Variants in IL1RAPL2 observed in about 807,000 individuals in gnomAD.
IL1RAPL2 encodes X-linked interleukin-1 receptor accessory protein-like 2.
Under a neutral mutation model 44.1 loss-of-function variants are expected in IL1RAPL2, and 3 were observed. The ratio of observed to expected loss-of-function variants is 0.07; its 90% CI spans 0.03 to 0.18. The LOEUF (loss-of-function observed/expected upper bound fraction) is 0.18, where lower values mean the gene tolerates loss of function less well. Ranked by LOEUF, IL1RAPL2 falls within the 10% of genes least tolerant of loss-of-function variation. The probability of loss-of-function intolerance (pLI) is 1.00; values close to 1 mark genes in which losing one functional copy is unlikely to be tolerated. For missense variants in IL1RAPL2, 391 were observed against 496.4 expected (o/e 0.79, Z 2.02); for synonymous variants, 181 against 178.8 (o/e 1.01, Z -0.10).
At chrX:105,688,106 G>A (rs1269821404) in intron 6 of IL1RAPL2, among the ~76,000 whole-genome samples, 4 of 111,606 alleles carry the variant, frequency 3.6e-5, no homozygotes, top group African/African-American at 1.3e-4. Flanking sequence ...CAAACCCATA[G>A]CCAATATCAT....
intron 2 of IL1RAPL2, among the ~76,000 whole-genome samples, chrX:105,189,659 C>T (rs2033618154): frequency 1.8e-5 from 2 of 111,898 alleles, no homozygotes; most frequent in African/African-American, 6.5e-5. Context: ...GAGGTTACGT[C>T]AAGAACATGA....
chrX:104,846,446 G>A (rs1922054532), intron 2 of IL1RAPL2, among the ~76,000 whole-genome samples: 1 of 110,675 alleles, frequency 9.0e-6, no homozygotes, highest in Non-Finnish European at 1.9e-5. Context: ...AACATGGGGT[G>A]TTTGGTTTTT....
chrX:105,009,771 G>T (rs915310554), intron 2 of IL1RAPL2, among the ~76,000 whole-genome samples: 7 of 109,656 alleles, frequency 6.4e-5, no homozygotes, highest in African/African-American at 2.3e-4. Context: ...TTAAAAAAAA[G>T]AAAATAGTGT....
chrX:105,680,032 G>A (rs758814041), intron 6 of IL1RAPL2, among the ~76,000 whole-genome samples: 10 of 110,725 alleles, frequency 9.0e-5, no homozygotes, highest in African/African-American at 2.0e-4. Flanking sequence ...ACAGAGTCTC[G>A]CTCTGTCACC....
intron 6 of IL1RAPL2, among the ~76,000 whole-genome samples, chrX:105,604,872 G>C (rs1158107013): frequency 3.6e-5 from 4 of 110,662 alleles, no homozygotes; most frequent in African/African-American, 1.3e-4. Context: ...ACAGAATGAA[G>C]AACAAAAACC....
At chrX:104,647,652 G>A (rs1930069428) in intron 1 of IL1RAPL2, 3 of 544,667 alleles carry the variant, frequency 5.5e-6, no homozygotes, top group South Asian at 2.3e-5. Context: ...GGCAGCACAC[G>A]CTCATCATAG....
At chrX:105,277,823 G>GA (rs2034498168) in intron 5 of IL1RAPL2, among the ~76,000 whole-genome samples, 2 of 107,926 alleles carry the variant, frequency 1.9e-5, no homozygotes, top group Admixed American at 2.0e-4. Flanking sequence ...GGAACTAGAA[G>GA]AAAAAAAATC....
chrX:105,556,156 G>A (rs755272284), intron 6 of IL1RAPL2, among the ~76,000 whole-genome samples: 33 of 112,031 alleles, frequency 2.9e-4, no homozygotes, highest in Non-Finnish European at 5.7e-4. Flanking sequence ...GACTATCACT[G>A]TCAAATTTTG....
At chrX:104,585,257 A>ATTTT (rs1928493550) in intron 1 of IL1RAPL2, among the ~76,000 whole-genome samples, 1 of 14,588 alleles carries the variant, frequency 6.9e-5, no homozygotes, top group Non-Finnish European at 1.1e-4. Flanking sequence ...GATATATAAT[A>ATTTT]TATATATAAT....
intron 1 of IL1RAPL2, among the ~76,000 whole-genome samples, chrX:104,585,367 A>G (rs1385522987): frequency 3.4e-5 from 1 of 29,723 alleles, no homozygotes; most frequent in Non-Finnish European, 5.0e-5. Context: ...TATATTATAT[A>G]TATTATATAT....
chrX:104,642,434 G>A lies in IL1RAPL2; in HGVS notation c.-19-16461G>A, dbSNP rs753430418. 9.9e-5 allele frequency among the ~76,000 whole-genome samples: 11 copies of A among 111,424 alleles called. No homozygotes were observed. The South Asian group carries it at 4.1e-3, about 42-fold the overall frequency. ...ATTATTTTCAACTTTGGTAGTGTAA[G>A]TATTGTTGAGATGGACATAATAGTG... On this transcript the variant is annotated intron_variant, in intron 1 of 10. Coordinates refer to ENST00000372582, the MANE Select transcript of IL1RAPL2 (RefSeq NM_017416.2).
intron 2 of IL1RAPL2, among the ~76,000 whole-genome samples, chrX:104,964,528 G>T (rs2030080532): frequency 9.2e-6 from 1 of 109,258 alleles, no homozygotes; most frequent in Non-Finnish European, 1.9e-5. Context: ...AGCCAGGATG[G>T]TCTCGATCTC....
At chrX:104,766,987 C>T (rs1456217876) in intron 2 of IL1RAPL2, among the ~76,000 whole-genome samples, 1 of 111,967 alleles carries the variant, frequency 8.9e-6, no homozygotes, top group Non-Finnish European at 1.9e-5. Context: ...AATCAGTGAC[C>T]TTGGCAGATA....
intron 2 of IL1RAPL2, among the ~76,000 whole-genome samples, chrX:104,809,798 T>A (rs1932958941): frequency 9.0e-6 from 1 of 111,718 alleles, no homozygotes; most frequent in Admixed American, 9.5e-5. Context: ...CGTGAAGTCC[T>A]TGCCCATGCC....
At chrX:104,993,885 T>G (rs760754157) in intron 2 of IL1RAPL2, among the ~76,000 whole-genome samples, 27 of 112,007 alleles carry the variant, frequency 2.4e-4, no homozygotes, top group Non-Finnish European at 4.5e-4. Context: ...TATGCTATAC[T>G]GTATTACAGT....
intron 2 of IL1RAPL2, among the ~76,000 whole-genome samples, chrX:105,172,269 A>G (rs923585431): frequency 8.9e-6 from 1 of 112,736 alleles, no homozygotes; most frequent in Non-Finnish European, 1.9e-5. Flanking sequence ...AAGAAGTTAT[A>G]TTAGTTTTCT....
chrX:105,474,991 C>A (rs935020661), intron 5 of IL1RAPL2, among the ~76,000 whole-genome samples: 1 of 111,011 alleles, frequency 9.0e-6, no homozygotes, highest in Non-Finnish European at 1.9e-5. Context: ...TATTTACCAG[C>A]AATGTGACTT....
chrX:105,668,981 A>G (rs1185134672), intron 6 of IL1RAPL2, among the ~76,000 whole-genome samples: 1 of 111,392 alleles, frequency 9.0e-6, no homozygotes, highest in Non-Finnish European at 1.9e-5. Flanking sequence ...AGAGGAGGAA[A>G]AGGAATATAG....
intron 2 of IL1RAPL2, among the ~76,000 whole-genome samples, chrX:104,915,468 C>A: frequency 9.0e-6 from 1 of 111,061 alleles, no homozygotes; most frequent in Non-Finnish European, 1.9e-5. Context: ...AGATATTAGC[C>A]CTTTGTCAGA....
Sources: gnomAD v4.1 joint callset for allele counts (sites outside exome capture counted in the v4.1 genomes callset) on GRCh38, gnomAD v4.1.1 for gene constraint, MANE v1.5 for transcripts, NCBI Gene and HGNC (gene_info 2026-07-23, HGNC 2026-07-21) for gene names.